The following CHRM2 variants were observed in gnomAD, a reference collection of about 807,000 sequenced individuals.
CHRM2 encodes the protein muscarinic acetylcholine receptor M2.
In CHRM2, 8 loss-of-function variants were observed where a neutral mutation model predicts 25.0. The observed-to-expected ratio is 0.32, with a 90% confidence interval of 0.19 to 0.58. CHRM2 has a LOEUF of 0.58. Among genes scored for constraint, CHRM2 ranks in the 20% least tolerant of loss-of-function variants. CHRM2 has a pLI of 0.88. For synonymous variants in CHRM2, 202 were observed against 205.7 expected, an observed-to-expected ratio of 0.98 and a Z score of 0.15; for missense variants, 440 against 567.1, an observed-to-expected ratio of 0.78 and a Z score of 2.28.
At chr7:136,962,334 C>T (rs1044586643) in intron 2 of CHRM2, among the ~76,000 whole-genome samples, 23 of 152,164 alleles carry the variant, frequency 1.5e-4, no homozygotes, top group African/African-American at 5.1e-4. Flanking sequence ...AGGGTTTCGC[C>T]GTGTTGGCCA....
intron 2 of CHRM2, among the ~76,000 whole-genome samples, chr7:136,943,834 A>G (rs1799910287): frequency 6.6e-6 from 1 of 152,146 alleles, no homozygotes; most frequent in South Asian, 2.1e-4. Flanking sequence ...AAAGAAGGGA[A>G]CGTGCATATT....
rs573268754 is a variant in CHRM2 at position 136,984,944 on chromosome 7, G to A, written c.-124-7243G>A. 2.0e-5 allele frequency among the ~76,000 whole-genome samples: 3 copies of A among 152,168 alleles called. No homozygotes were observed. The South Asian group carries it at 6.2e-4, about 32-fold the overall frequency. On this transcript the variant is annotated intron_variant, in intron 2 of 3. Coordinates refer to ENST00000680005, the MANE Select transcript of CHRM2 (RefSeq NM_001006630.2). ...CTTTAATACATCAGTGTGCATTATG[G>A]CACAACAAATGAAGAATTGAGCGTA... is the stretch of plus-strand genomic sequence containing the variant.
rs749289446 is a variant in CHRM2, at chr7:137,014,896, A to G, written c.31A>G (p.Ser11Gly). Reference protein sequence around the residue: MNNSTNSSNNSLALTSPYKTF... With the variant: MNNSTNSSNNGLALTSPYKTF... The stretch of plus-strand genomic sequence containing the variant: ...TAACTCAACAAACTCCTCTAACAAT[A>G]GCCTGGCTCTTACAAGTCCTTATAA... The change falls in exon 4 of 4, where the codon AGC becomes GGC. Residue 11 changes from serine (S) to glycine (G), a missense_variant. Physicochemically the swap from Ser to Gly is moderately conservative, Grantham distance 56. Around this residue, in one of 5 missense-constraint regions of CHRM2, gnomAD observed 86 missense variants for 124.9 expected, o/e 0.69. Coordinates refer to ENST00000680005, the MANE Select transcript of CHRM2 (RefSeq NM_001006630.2). 2 of 1,613,056 alleles carry G rather than the reference A, an allele frequency of 1.2e-6. No homozygotes were observed. The highest frequency in any genetic ancestry group is 3.3e-5 in the Admixed American group (2 of 59,896).
chr7:137,010,618 A>G (rs1804740784), intron 3 of CHRM2, among the ~76,000 whole-genome samples: 1 of 152,028 alleles, frequency 6.6e-6, no homozygotes, highest in South Asian at 2.1e-4. Context: ...TGAGAGAAAG[A>G]AATGACAGCC....
At chr7:136,940,231 T>C (rs752217671) in intron 2 of CHRM2, among the ~76,000 whole-genome samples, 8 of 152,166 alleles carry the variant, frequency 5.3e-5, no homozygotes, top group Non-Finnish European at 8.8e-5. Context: ...CACAGTAAAA[T>C]TGATATATCA....
chr7:137,011,223 A>G (rs528125078), intron 3 of CHRM2, among the ~76,000 whole-genome samples: 6,662 of 119,592 alleles, frequency 0.056, 240 homozygotes, highest in African/African-American at 0.14. Flanking sequence ...GTGTATATAT[A>G]TATATATATA....
intron 3 of CHRM2, among the ~76,000 whole-genome samples, chr7:137,010,758 A>G (rs1214026145): frequency 6.6e-6 from 1 of 152,066 alleles, no homozygotes; most frequent in Non-Finnish European, 1.5e-5. Flanking sequence ...TTAACATTAC[A>G]TAAATTTATT....
At chr7:136,994,979 G>A (rs1803495980) in intron 3 of CHRM2, among the ~76,000 whole-genome samples, 1 of 152,030 alleles carries the variant, frequency 6.6e-6, no homozygotes, top group South Asian at 2.1e-4. Context: ...TGAGAAGGCT[G>A]TGGAATACAA....
chr7:136,920,151 A>G (rs767349736), intron 2 of CHRM2, among the ~76,000 whole-genome samples: 11 of 151,924 alleles, frequency 7.2e-5, no homozygotes, highest in Non-Finnish European at 1.3e-4. Context: ...ATAGCTGTGC[A>G]TTTTTGTGAC....
At chr7:136,957,936 T>G (rs1800820352) in intron 2 of CHRM2, among the ~76,000 whole-genome samples, 1 of 152,220 alleles carries the variant, frequency 6.6e-6, no homozygotes, top group Admixed American at 6.5e-5. Flanking sequence ...CTTTATAAAT[T>G]AAGCTAGAAG....
chr7:136,942,498 G>C (rs1799830652), intron 2 of CHRM2, among the ~76,000 whole-genome samples: 1 of 152,124 alleles, frequency 6.6e-6, no homozygotes, highest in Non-Finnish European at 1.5e-5. Flanking sequence ...TGCCTATTTT[G>C]AAAGATAAAA....
rs956030386 is a variant in CHRM2, at chr7:136,918,575, A to T, written c.-125+49157A>T. 1.6e-3 allele frequency among the ~76,000 whole-genome samples: 217 copies of T among 139,236 alleles called. 1 individual carries two copies. Among genetic ancestry groups the T allele is most frequent in the African/African-American group, 5.1e-3 (182 of 35,766 alleles). The allele number at this position is 139,236 out of a possible 152,430, so 91.3% of individuals were successfully genotyped here. A position where few individuals can be genotyped will look rare whatever the true frequency, so the allele number is the denominator to read the frequency against. On this transcript the variant is annotated intron_variant, in intron 2 of 3. Transcript: ENST00000680005. The stretch of plus-strand genomic sequence containing the variant: ...TATTTCCCTGAAGTAACAGTTTTTT[A>T]AAAAAATATTTATTTATTTACTTAT...
intron 2 of CHRM2, among the ~76,000 whole-genome samples, chr7:136,932,917 C>T (rs1310967606): frequency 6.6e-6 from 1 of 152,120 alleles, no homozygotes; most frequent in African/African-American, 2.4e-5. Flanking sequence ...GTAGTCCCAG[C>T]TACTCAGGAG....
intron 2 of CHRM2, among the ~76,000 whole-genome samples, chr7:136,966,286 C>T (rs1328919358): frequency 2.0e-5 from 3 of 151,604 alleles, no homozygotes; most frequent in Non-Finnish European, 2.9e-5. Flanking sequence ...GTATAGGTTT[C>T]ACATATTCTT....
At chr7:136,996,727 G>A (rs1013280033) in intron 3 of CHRM2, among the ~76,000 whole-genome samples, 5 of 152,092 alleles carry the variant, frequency 3.3e-5, no homozygotes, top group Non-Finnish European at 5.9e-5. Context: ...TAAATATCAT[G>A]TACCCATAAA....
In CHRM2 at chr7:136,944,369, T is replaced by C. The variant is rs537840884; in HGVS notation, c.-124-47818T>C. On this transcript the variant is annotated intron_variant, in intron 2 of 3. Transcript: ENST00000680005. ...TTTTTTCACTCTCGAGTTATTTCAC[T>C]TAGAATAATGGTCTCCAATTCTAAC... 3.3e-5 allele frequency among the ~76,000 whole-genome samples: 5 copies of C among 152,108 alleles called. No homozygotes were observed. In the East Asian group the frequency reaches 9.7e-4, roughly 29 times the overall value.
Position 136,940,936 on chromosome 7 carries a change from T to G in CHRM2, c.-124-51251T>G, listed in dbSNP as rs575379263. ...TTATCTTGGAAGAGCAGTGACCAAG[T>G]AAAAGCATACTGTCTCCTAACATTT... On this transcript the variant is annotated intron_variant, in intron 2 of 3. Transcript: ENST00000680005. Among the ~76,000 whole-genome samples, 47 of 152,254 alleles carry G rather than the reference T, an allele frequency of 3.1e-4. 3 individuals carry two copies. The South Asian group carries it at 8.9e-3, about 29-fold the overall frequency.
intron 2 of CHRM2, among the ~76,000 whole-genome samples, chr7:136,890,009 GTTA>G (rs1371820126): frequency 1.3e-5 from 2 of 152,100 alleles, no homozygotes; most frequent in Non-Finnish European, 2.9e-5. Flanking sequence ...ACATTCAGCT[GTTA>G]TTATTTTCTA....
chr7:136,960,292 A>G (rs990531001), intron 2 of CHRM2, among the ~76,000 whole-genome samples: 4 of 152,236 alleles, frequency 2.6e-5, no homozygotes, highest in African/African-American at 9.6e-5. Flanking sequence ...CTAGCAGCCA[A>G]TGGAATGGGC....
Sources: gnomAD v4.1 joint callset for allele counts (sites outside exome capture counted in the v4.1 genomes callset) on GRCh38, gnomAD v4.1.1 for gene constraint, gnomAD v4.1.1 regional missense constraint, MANE v1.5 for transcripts, NCBI Gene and HGNC (gene_info 2026-07-23, HGNC 2026-07-21) for gene names.